DEFB1: variants seen among roughly 807,000 people sequenced by gnomAD.
The protein encoded by DEFB1 is beta-defensin 1.
In DEFB1, 4 loss-of-function variants were observed where a neutral mutation model predicts 2.6. That is an observed-to-expected ratio of 1.53 (90% CI 0.76 to 3.51). DEFB1 has a LOEUF of 3.51. DEFB1 is among the 30% of genes most tolerant of loss of function. DEFB1 has a pLI of 0.01. For missense variants in DEFB1, 162 were observed against 76.9 expected (o/e 2.11, Z -4.14); for synonymous variants, 56 against 28.5 (o/e 1.96, Z -3.07).
chr8:6,872,800 T>C (rs1416776412), intron 1 of DEFB1, among the ~76,000 whole-genome samples: 1 of 152,208 alleles, frequency 6.6e-6, no homozygotes, highest in Non-Finnish European at 1.5e-5. Flanking sequence ...CGCCATAATG[T>C]TGACCTCAAG....
Position 6,870,659 on chromosome 8 carries a change from ATTTC to A in DEFB1, c.*18_*21del. 6.2e-7 allele frequency: 1 copy of A among 1,601,422 alleles called. No homozygotes were observed. The highest frequency in any genetic ancestry group is 8.5e-7 in the Non-Finnish European group (1 of 1,176,382). On this transcript the variant is annotated 3_prime_UTR_variant, in exon 2 of 2. Coordinates refer to ENST00000297439, the MANE Select transcript of DEFB1 (RefSeq NM_005218.4). ...AAAAAGTTCATTTCACTTCTGCGTC[ATTTC>A]TTCTGGTCACTCCCAGCTCACTTGC...
intron 1 of DEFB1, among the ~76,000 whole-genome samples, chr8:6,872,952 A>G (rs547268390): frequency 6.6e-6 from 1 of 152,188 alleles, no homozygotes; most frequent in Non-Finnish European, 1.5e-5. Context: ...TCTCCAAGTG[A>G]TTATCTGTTA....
chr8:6,871,786 T>C (rs1475998225), intron 1 of DEFB1, among the ~76,000 whole-genome samples: 1 of 152,184 alleles, frequency 6.6e-6, no homozygotes, highest in Non-Finnish European at 1.5e-5. Context: ...GACAGACACC[T>C]GAGAAGAAGC....
At chr8:6,875,089 CA>C (rs1806475946) in intron 1 of DEFB1, among the ~76,000 whole-genome samples, 1 of 151,656 alleles carries the variant, frequency 6.6e-6, no homozygotes, top group Non-Finnish European at 1.5e-5. Flanking sequence ...CACACACACA[CA>C]CACACACACA....
At chr8:6,872,088 C>G (rs1304622809) in intron 1 of DEFB1, among the ~76,000 whole-genome samples, 7 of 152,148 alleles carry the variant, frequency 4.6e-5, no homozygotes, top group African/African-American at 1.7e-4. Flanking sequence ...AAAAACTCTT[C>G]TCATTGTCCT....
intron 1 of DEFB1, 103 bp from the exon 2 acceptor site, chr8:6,870,929 G>C: frequency 1.6e-6 from 2 of 1,289,686 alleles, no homozygotes; most frequent in Non-Finnish European, 2.1e-6. Flanking sequence ...ACACCGGAGA[G>C]TCTTCTCTTC....
Position 6,870,719 on chromosome 8 carries a change from CT to C in DEFB1, c.168del (p.Gly57AlafsTer26). 1 of 1,614,226 alleles carries C rather than the reference CT, an allele frequency of 6.2e-7. No homozygotes were observed. Among genetic ancestry groups the C allele is most frequent in the Non-Finnish European group, 8.5e-7 (1 of 1,180,050 alleles). ...YSACPIFTKI[Q>X]GTCYRGKAKC... ...TTGGCCTTCCCTCTGTAACAGGTGC[CT>C]TGAATTTTGGTAAAGATCGGGCAGG... On this transcript the variant is annotated frameshift_variant, in exon 2 of 2. Transcript: ENST00000297439. LOFTEE classifies it high-confidence loss of function.
chr8:6,877,789 G>T lies in DEFB1; in HGVS notation c.61+8C>A, dbSNP rs747389560. 2.5e-6 allele frequency: 4 copies of T among 1,613,072 alleles called. No homozygotes were observed. Among genetic ancestry groups the T allele is most frequent in the African/African-American group, 2.7e-5 (2 of 74,890 alleles). ...GGATGGGAAACTCTTGCAGGTACCAGAGCTTACCTGAGGCCATCTCAGACA... is the reference window on the plus strand; with the variant it reads ...GGATGGGAAACTCTTGCAGGTACCATAGCTTACCTGAGGCCATCTCAGACA... On this transcript the variant is annotated splice_region_variant and intron_variant, in intron 1 of 1. Coordinates refer to ENST00000297439, the MANE Select transcript of DEFB1 (RefSeq NM_005218.4).
chr8:6,876,128 A>C (rs1185778163), intron 1 of DEFB1, among the ~76,000 whole-genome samples: 1 of 152,208 alleles, frequency 6.6e-6, no homozygotes, highest in Admixed American at 6.5e-5. Flanking sequence ...ATATGGGTGT[A>C]ATTAAATAGC....
intron 1 of DEFB1, among the ~76,000 whole-genome samples, chr8:6,877,342 C>T (rs908744812): frequency 6.6e-6 from 1 of 152,232 alleles, no homozygotes; most frequent in African/African-American, 2.4e-5. Context: ...GAGTCCAAGG[C>T]ACCGGCTGAG....
At chr8:6,876,215 G>T (rs1347807077) in intron 1 of DEFB1, among the ~76,000 whole-genome samples, 3 of 152,138 alleles carry the variant, frequency 2.0e-5, no homozygotes, top group Non-Finnish European at 2.9e-5. Flanking sequence ...GGTGGCTCAT[G>T]GCTGTAATCC....
intron 1 of DEFB1, among the ~76,000 whole-genome samples, chr8:6,875,265 A>T (rs1362533521): frequency 6.6e-6 from 1 of 152,210 alleles, no homozygotes; most frequent in Non-Finnish European, 1.5e-5. Context: ...GACATGACAC[A>T]TTCGACTACA....
At chr8:6,871,669 C>T (rs953497917) in intron 1 of DEFB1, among the ~76,000 whole-genome samples, 3 of 152,140 alleles carry the variant, frequency 2.0e-5, no homozygotes, top group Non-Finnish European at 4.4e-5. Context: ...TTGGGGTGTG[C>T]TCTGATCCAT....
At chr8:6,873,011 G>C (rs1335476959) in intron 1 of DEFB1, among the ~76,000 whole-genome samples, 1 of 152,226 alleles carries the variant, frequency 6.6e-6, no homozygotes, top group Non-Finnish European at 1.5e-5. Context: ...TTGAAATCGA[G>C]AAGGTTTATA....
At position 6,870,719 on chromosome 8, in the gene DEFB1, C is replaced by T. The variant is rs145468425; in HGVS notation, c.169G>A (p.Gly57Ser). The T allele has an allele frequency of 4.3e-6, 7 of 1,614,226 alleles. No individual in the cohort carries two copies. The African/African-American group carries it at 8.0e-5, about 18-fold the overall frequency. ...SACPIFTKIQ[G>S]TCYRGKAKCC... is the part of the protein sequence containing the mutation. ...TTGGCCTTCCCTCTGTAACAGGTGC[C>T]TTGAATTTTGGTAAAGATCGGGCAG... is the stretch of plus-strand genomic sequence containing the variant. Residue 57 changes from glycine (G) to serine (S), a missense_variant, in exon 2 of 2, where the codon GGC (glycine) becomes AGC (serine). Physicochemically the swap from Gly to Ser is moderately conservative, Grantham distance 56. Transcript: ENST00000297439.
At position 6,870,720 on chromosome 8, in the gene DEFB1, T is replaced by G; in HGVS notation, c.168A>C (p.Gln56His). Residue 56 changes from glutamine (Q) to histidine (H), a missense_variant, in exon 2 of 2, where the codon CAA (glutamine) becomes CAC (histidine). Physicochemically the swap from Gln to His is conservative, Grantham distance 24. Coordinates refer to ENST00000297439, the MANE Select transcript of DEFB1 (RefSeq NM_005218.4). ...TGGCCTTCCCTCTGTAACAGGTGCC[T>G]TGAATTTTGGTAAAGATCGGGCAGG... ...YSACPIFTKI[Q>H]GTCYRGKAKC... 6.2e-7 allele frequency: 1 copy of G among 1,614,234 alleles called. No homozygotes were observed.
intron 1 of DEFB1, 103 bp from the exon 2 acceptor site, chr8:6,870,929 G>A (rs934634688): frequency 8.5e-6 from 11 of 1,289,686 alleles, no homozygotes; most frequent in African/African-American, 1.5e-5. Context: ...ACACCGGAGA[G>A]TCTTCTCTTC....
At chr8:6,871,526 C>G (rs1204808223) in intron 1 of DEFB1, among the ~76,000 whole-genome samples, 4 of 152,172 alleles carry the variant, frequency 2.6e-5, no homozygotes, top group Non-Finnish European at 4.4e-5. Flanking sequence ...CAAGTCTCCA[C>G]TGGTAGGCGT....
intron 1 of DEFB1, among the ~76,000 whole-genome samples, chr8:6,872,343 C>T (rs79904203): frequency 0.016 from 2,393 of 152,364 alleles, 61 homozygotes; most frequent in African/African-American, 0.055. Context: ...ATCACCCTAG[C>T]CGCATTGCAA....
Sources: gnomAD v4.1 joint callset for allele counts (sites outside exome capture counted in the v4.1 genomes callset) on GRCh38, gnomAD v4.1.1 for gene constraint, MANE v1.5 for transcripts, NCBI Gene and HGNC (gene_info 2026-07-23, HGNC 2026-07-21) for gene names.